GSE1: variants seen among roughly 807,000 people sequenced by gnomAD.
GSE1 encodes Gse1 coiled-coil protein.
In GSE1, 32 loss-of-function variants were observed where a neutral mutation model predicts 112.6. That is an observed-to-expected ratio of 0.28 (90% CI 0.21 to 0.38). The LOEUF is 0.38. Ranked by LOEUF, GSE1 falls within the 10% of genes least tolerant of loss-of-function variation. The pLI, the probability that GSE1 is intolerant of heterozygous loss-of-function variation, is 1.00. For synonymous variants in GSE1, 1,115 were observed against 735.6 expected (o/e 1.52, Z -8.35); for missense variants, 2,348 against 1,699.2 (o/e 1.38, Z -6.71).
intron 2 of GSE1, among the ~76,000 whole-genome samples, chr16:85,421,260 TG>T (rs147533178): frequency 0.14 from 21,268 of 151,924 alleles, 2,009 homozygotes; most frequent in Non-Finnish European, 0.2. Context: ...CTGGGGTCCC[TG>T]GGGGGGTCTC....
chr16:85,198,825 C>CTGGAG (rs2074976083), intron 1 of GSE1, among the ~76,000 whole-genome samples: 1 of 152,284 alleles, frequency 6.6e-6, no homozygotes, highest in East Asian at 1.9e-4. Flanking sequence ...GTCGCCCAGG[C>CTGGAG]TGGAGTACAG....
At position 85,461,368 on chromosome 16, in the gene GSE1, C is replaced by T. The variant is rs142481095; in HGVS notation, c.2464+103725C>T. ...CCCTGGGGGACAACCCCCACTCCCC[C>T]TTTGAGAGCCACTGGTTTGGAACAA... On this transcript the variant is annotated intron_variant, in intron 2 of 2. Coordinates refer to the GSE1 transcript ENST00000637419. Among the ~76,000 whole-genome samples, 168 of 152,336 alleles carry T rather than the reference C, an allele frequency of 1.1e-3. 1 individual carries two copies. In the East Asian group the frequency reaches 0.029, roughly 27 times the overall value.
intron 2 of GSE1, among the ~76,000 whole-genome samples, chr16:85,506,488 A>G (rs2151922764): frequency 6.6e-6 from 1 of 152,210 alleles, no homozygotes; most frequent in South Asian, 2.1e-4. Flanking sequence ...GGGGCAAGAC[A>G]AGCGAAGAAG....
intron 2 of GSE1, among the ~76,000 whole-genome samples, chr16:85,637,666 A>G (rs2050116093): frequency 6.6e-6 from 1 of 152,164 alleles, no homozygotes. Flanking sequence ...CCCACGTTGT[A>G]AGTGGCATGG....
chr16:85,655,735 C>T lies in GSE1; in HGVS notation c.807C>T (p.Asp269=), dbSNP rs1353682795. The change falls in exon 6 of 16, where the codon GAC becomes GAT. Residue 269 remains aspartate (D), a synonymous_variant. Transcript: ENST00000253458. The part of the protein sequence containing the change: ...PFPHPAFRMD[D]SYCLSALRSP... ...CGTCTTCTCTGCACAGGATGGACGA[C>T]TCCTACTGCCTGTCTGCCCTGAGGT... is the stretch of plus-strand genomic sequence containing the variant. The T allele has an allele frequency of 1.9e-6, 3 of 1,602,768 alleles. No homozygotes were observed. Among genetic ancestry groups the T allele is most frequent in the Non-Finnish European group, 2.6e-6 (3 of 1,174,466 alleles).
At chr16:85,587,488 G>C (rs1293629707) in intron 1 of GSE1, among the ~76,000 whole-genome samples, 3 of 152,124 alleles carry the variant, frequency 2.0e-5, no homozygotes, top group African/African-American at 7.2e-5. Flanking sequence ...AGGGGGAGGG[G>C]GAGGGACACC....
At chr16:85,290,172 G>T (rs755544888) in intron 1 of GSE1, among the ~76,000 whole-genome samples, 24 of 152,160 alleles carry the variant, frequency 1.6e-4, no homozygotes, top group Admixed American at 2.6e-4. Context: ...GCGTGGGAAG[G>T]GTCGTCCCCT....
At chr16:85,628,833 C>T (rs74031895) in intron 1 of GSE1, among the ~76,000 whole-genome samples, 17,604 of 152,200 alleles carry the variant, frequency 0.12, 3,338 homozygotes, top group African/African-American at 0.39. Flanking sequence ...TGTGCGCCAT[C>T]TGGGGTCTGG....
chr16:85,224,964 G>A (rs546171426), intron 1 of GSE1, among the ~76,000 whole-genome samples: 2 of 152,180 alleles, frequency 1.3e-5, no homozygotes, highest in Non-Finnish European at 2.9e-5. Context: ...CCTGTCTGTA[G>A]TAAAAATACA....
intron 14 of GSE1, among the ~76,000 whole-genome samples, chr16:85,669,903 T>C (rs1033625109): frequency 6.6e-6 from 1 of 152,236 alleles, no homozygotes; most frequent in Non-Finnish European, 1.5e-5. Flanking sequence ...AGGCATGACC[T>C]GCGCTGACCC....
rs75071056 is a variant in GSE1, at chr16:85,462,364, C to G, written c.2464+104721C>G. ...AGGAGGGGGCCCTCCACCCTCCCTACCCTCAGCTTGTTGGTTGGTTGCCTG... is the reference window on the plus strand; with the variant it reads ...AGGAGGGGGCCCTCCACCCTCCCTAGCCTCAGCTTGTTGGTTGGTTGCCTG... On this transcript the variant is annotated intron_variant, in intron 2 of 2. Coordinates refer to the GSE1 transcript ENST00000637419. Among the ~76,000 whole-genome samples the G allele has an allele frequency of 8.3e-3, 1,269 of 152,124 alleles. 14 individuals carry two copies. The highest frequency in any genetic ancestry group is 0.029 in the African/African-American group (1,220 of 41,514).
intron 1 of GSE1, among the ~76,000 whole-genome samples, chr16:85,630,379 C>T (rs901339075): frequency 6.6e-6 from 1 of 152,220 alleles, no homozygotes; most frequent in Non-Finnish European, 1.5e-5. Flanking sequence ...AGACAGGGTT[C>T]TGTTACCCAG....
chr16:85,456,878 CGGCA>C, intron 2 of GSE1, among the ~76,000 whole-genome samples: 1 of 152,152 alleles, frequency 6.6e-6, no homozygotes, highest in South Asian at 2.1e-4. Flanking sequence ...GGAGAGACAC[CGGCA>C]GGCTGTGTTT....
At position 85,196,346 on chromosome 16, in the gene GSE1, T is replaced by G. The variant is rs535049321; in HGVS notation, c.2283+24539T>G. Among the ~76,000 whole-genome samples the G allele has an allele frequency of 8.5e-5, 13 of 152,254 alleles. No homozygotes were observed. The South Asian group carries it at 2.7e-3, about 32-fold the overall frequency. On this transcript the variant is annotated intron_variant, in intron 1 of 2. Coordinates refer to the GSE1 transcript ENST00000637419. The stretch of plus-strand genomic sequence containing the variant: ...AGTTCCAACTTGTTCACAAGTTTCA[T>G]GGAGAACTTGGAGGGGACCTGCATC...
chr16:85,640,068 G>A (rs147694617), intron 2 of GSE1, among the ~76,000 whole-genome samples: 149 of 152,322 alleles, frequency 9.8e-4, no homozygotes, highest in African/African-American at 2.8e-3. Flanking sequence ...CTGGAGAGCC[G>A]CCGTCTGGAG....
chr16:85,553,134 G>A (rs911982097), upstream of GSE1, among the ~76,000 whole-genome samples: 1 of 149,714 alleles, frequency 6.7e-6, no homozygotes, highest in Non-Finnish European at 1.5e-5. Flanking sequence ...CGCTCTGGCC[G>A]CCCCCCGCCC....
chr16:85,553,810 C>A (rs767267978), upstream of GSE1, among the ~76,000 whole-genome samples: 1 of 152,206 alleles, frequency 6.6e-6, no homozygotes, highest in Non-Finnish European at 1.5e-5. Flanking sequence ...CCAATTTGCC[C>A]TCCGTAGCTT....
At chr16:85,646,996 C>T (rs937211692) in intron 2 of GSE1, among the ~76,000 whole-genome samples, 2 of 152,176 alleles carry the variant, frequency 1.3e-5, no homozygotes, top group African/African-American at 4.8e-5. Context: ...CCACCACACA[C>T]ACTTGGTCCC....
intron 1 of GSE1, among the ~76,000 whole-genome samples, chr16:85,583,034 C>T (rs2046518308): frequency 6.6e-6 from 1 of 152,090 alleles, no homozygotes; most frequent in Non-Finnish European, 1.5e-5. Context: ...GGGTGGCTTC[C>T]TGGAGCCACT....
Sources: gnomAD v4.1 joint callset for allele counts (sites outside exome capture counted in the v4.1 genomes callset) on GRCh38, gnomAD v4.1.1 for gene constraint, MANE v1.5 for transcripts, NCBI Gene and HGNC (gene_info 2026-07-23, HGNC 2026-07-21) for gene names.